Variants in TAMM41 observed in about 807,000 individuals in gnomAD.
The protein encoded by TAMM41 is phosphatidate cytidylyltransferase, mitochondrial.
In TAMM41, 36 loss-of-function variants were observed where a neutral mutation model predicts 44.1. The observed-to-expected ratio is 0.82, with a 90% CI of 0.63 to 1.08. TAMM41 has a LOEUF of 1.08. Ranked by LOEUF, TAMM41 falls within the 50% of genes least tolerant of loss-of-function variation. TAMM41 has a pLI of 0.00. For synonymous variants in TAMM41, 164 were observed against 153.1 expected, an observed-to-expected ratio of 1.07 and a Z score of -0.53; for missense variants, 417 against 404.3, an observed-to-expected ratio of 1.03 and a Z score of -0.27.
At chr3:11,795,655 G>A (rs1184830688) in intron 7 of TAMM41, among the ~76,000 whole-genome samples, 2 of 152,126 alleles carry the variant, frequency 1.3e-5, no homozygotes, top group African/African-American at 4.8e-5. Context: ...GGCTTTTAAA[G>A]TCTTTGTTTG....
chr3:11,783,607 T>A, the TAMM41 span, among the ~76,000 whole-genome samples: 2 of 152,224 alleles, frequency 1.3e-5, no homozygotes, highest in Admixed American at 1.3e-4. Flanking sequence ...TTTAGTCAAC[T>A]GGTTATTTTT....
chr3:11,838,207 G>T (rs1220584036), intron 3 of TAMM41, among the ~76,000 whole-genome samples: 3 of 152,142 alleles, frequency 2.0e-5, no homozygotes, highest in Non-Finnish European at 4.4e-5. Flanking sequence ...AGCTCAGGAA[G>T]GCAGTTTTTT....
chr3:11,774,385 G>A, the TAMM41 span, among the ~76,000 whole-genome samples: 1 of 152,146 alleles, frequency 6.6e-6, no homozygotes, highest in African/African-American at 2.4e-5. Context: ...AAGCTGACAG[G>A]GAGGCTCTCC....
intron 4 of TAMM41, among the ~76,000 whole-genome samples, chr3:11,819,778 A>C (rs2078437845): frequency 6.6e-6 from 1 of 152,176 alleles, no homozygotes; most frequent in Non-Finnish European, 1.5e-5. Flanking sequence ...CTTCATAAAA[A>C]ATGAGAAAAA....
At chr3:11,726,463 G>A in the TAMM41 span, among the ~76,000 whole-genome samples, 1 of 152,232 alleles carries the variant, frequency 6.6e-6, no homozygotes, top group Non-Finnish European at 1.5e-5. Flanking sequence ...TAGTGACAAA[G>A]TGTCGAGATT....
chr3:11,736,125 C>T, the TAMM41 span, among the ~76,000 whole-genome samples: 6 of 152,252 alleles, frequency 3.9e-5, no homozygotes, highest in East Asian at 1.2e-3. Flanking sequence ...TGTGTAGTTT[C>T]CAAAATGAAA....
At chr3:11,774,271 C>T in the TAMM41 span, among the ~76,000 whole-genome samples, 1 of 152,202 alleles carries the variant, frequency 6.6e-6, no homozygotes, top group Non-Finnish European at 1.5e-5. Flanking sequence ...CCAGGCAGAG[C>T]TCTCTCACCA....
chr3:11,806,079 C>T (rs1318500984), intron 7 of TAMM41, among the ~76,000 whole-genome samples: 1 of 152,214 alleles, frequency 6.6e-6, no homozygotes, highest in Non-Finnish European at 1.5e-5. Context: ...CATTCACCTT[C>T]CGCCATGATT....
At chr3:11,729,948 CAG>C in the TAMM41 span, among the ~76,000 whole-genome samples, 8 of 152,160 alleles carry the variant, frequency 5.3e-5, no homozygotes, top group African/African-American at 7.2e-5. Flanking sequence ...GATGAGAAAA[CAG>C]GGGCTCAGAG....
chr3:11,821,617 A>C (rs2078523523), intron 4 of TAMM41, among the ~76,000 whole-genome samples: 1 of 152,230 alleles, frequency 6.6e-6, no homozygotes, highest in East Asian at 1.9e-4. Flanking sequence ...AAGGTATTAG[A>C]GAATGCTTTG....
the TAMM41 span, among the ~76,000 whole-genome samples, chr3:11,739,410 T>C: frequency 6.6e-6 from 1 of 152,194 alleles, no homozygotes; most frequent in Non-Finnish European, 1.5e-5. Flanking sequence ...GAGCAGAAGC[T>C]GATGGCTCCA....
the TAMM41 span, among the ~76,000 whole-genome samples, chr3:11,760,096 G>T: frequency 2.0e-5 from 3 of 152,196 alleles, no homozygotes; most frequent in Non-Finnish European, 4.4e-5. Flanking sequence ...TTCTGGATGG[G>T]CAAGTAGCTG....
intron 1 of TAMM41, chr3:11,844,895 C>T (rs2079607385): frequency 2.2e-6 from 1 of 456,300 alleles, no homozygotes; most frequent in Non-Finnish European, 4.4e-6. Context: ...ACTAACTGCA[C>T]TCAGCATAGG....
chr3:11,792,723 A>G (rs757425965), intron 7 of TAMM41, among the ~76,000 whole-genome samples: 18 of 152,262 alleles, frequency 1.2e-4, no homozygotes, highest in Non-Finnish European at 2.1e-4. Context: ...AACAAAATGG[A>G]TAAACTGGAC....
chr3:11,749,809 C>T, the TAMM41 span, among the ~76,000 whole-genome samples: 1 of 152,114 alleles, frequency 6.6e-6, no homozygotes, highest in East Asian at 1.9e-4. Flanking sequence ...GTTAGTGAGA[C>T]CCACTGTGGC....
chr3:11,800,261 T>C (rs1331140389), intron 7 of TAMM41, among the ~76,000 whole-genome samples: 1 of 152,022 alleles, frequency 6.6e-6, no homozygotes, highest in Non-Finnish European at 1.5e-5. Flanking sequence ...AAACAAAGAA[T>C]TTATAAAATA....
the TAMM41 span, among the ~76,000 whole-genome samples, chr3:11,742,004 G>T: frequency 2.7e-5 from 4 of 150,052 alleles, no homozygotes; most frequent in Admixed American, 2.6e-4. Flanking sequence ...AACAGCAATC[G>T]GTTTAAAGGG....
At chr3:11,758,834 C>T in the TAMM41 span, among the ~76,000 whole-genome samples, 2 of 152,012 alleles carry the variant, frequency 1.3e-5, no homozygotes, top group Admixed American at 6.6e-5. Context: ...CCACCACGCC[C>T]GGCTAATTTT....
intron 7 of TAMM41, among the ~76,000 whole-genome samples, chr3:11,798,855 T>C (rs1285704374): frequency 6.6e-6 from 1 of 152,134 alleles, no homozygotes; most frequent in African/African-American, 2.4e-5. Flanking sequence ...GTCAGGAAAC[T>C]TTTAGGTAAT....
Sources: allele counts gnomAD v4.1 joint callset (sites outside exome capture counted in the v4.1 genomes callset), GRCh38; gene constraint gnomAD v4.1.1; transcripts MANE v1.5; gene names NCBI Gene and HGNC (gene_info 2026-07-23, HGNC 2026-07-21).